ADCY9: variants seen among roughly 807,000 people sequenced by gnomAD.
ADCY9 encodes adenylate cyclase 9, also known as adenylate cyclase type 9.
ADCY9 carries 50 observed loss-of-function variants against 101.5 expected under a neutral mutation model. The ratio of observed to expected loss-of-function variants is 0.49; its 90% CI spans 0.39 to 0.62. The LOEUF (loss-of-function observed/expected upper bound fraction) is 0.62, where lower values mean the gene tolerates loss of function less well. ADCY9 is among the 20% of genes least tolerant of loss of function. The pLI, the probability that ADCY9 is intolerant of heterozygous loss-of-function variation, is 0.00. For synonymous variants in ADCY9, 905 were observed against 769.3 expected (o/e 1.18, Z -2.92); for missense variants, 1,662 against 1,800.4 (o/e 0.92, Z 1.39).
chr16:4,064,586 C>G lies in ADCY9; in HGVS notation c.1693+49164G>C, dbSNP rs575352612. On this transcript the variant is annotated intron_variant, in intron 2 of 10. Transcript: ENST00000294016. ...TTCCTGGGCTCAAGCAATCCTCCCA[C>G]CTCAGTCTCCCCATTAGCTGGGACT... Among the ~76,000 whole-genome samples, 8 of 152,168 alleles carry G rather than the reference C, an allele frequency of 5.3e-5. 1 individual carries two copies. Among genetic ancestry groups the G allele is most frequent in the Non-Finnish European group, 8.8e-5 (6 of 68,024 alleles).
At chr16:4,030,116 G>T (rs904228390) in intron 2 of ADCY9, among the ~76,000 whole-genome samples, 1 of 152,156 alleles carries the variant, frequency 6.6e-6, no homozygotes, top group African/African-American at 2.4e-5. Context: ...GATGGAAGTT[G>T]AAGACACTCA....
In ADCY9 at chr16:4,097,553, A is replaced by ATATATTTTTTT. The variant is rs1382458827; in HGVS notation, c.1693+16196_1693+16197insAAAAAAATATA. ...CATATATATATATATATATATATAT[A>ATATATTTTTTT]TTTTTTTTTTTTTTTTTTAAGACAG... On this transcript the variant is annotated intron_variant, in intron 2 of 10. Coordinates refer to ENST00000294016, the MANE Select transcript of ADCY9 (RefSeq NM_001116.4). 2.8e-3 allele frequency among the ~76,000 whole-genome samples: 150 copies of ATATATTTTTTT among 53,388 alleles called. 1 individual carries two copies. The highest frequency in any genetic ancestry group is 3.8e-3 in the Non-Finnish European group (124 of 32,810). 35.0% of individuals were successfully genotyped at this position (53,388 alleles called of 152,430 possible).
intron 2 of ADCY9, among the ~76,000 whole-genome samples, chr16:4,022,622 C>T (rs1369281877): frequency 6.6e-6 from 1 of 150,532 alleles, no homozygotes; most frequent in African/African-American, 2.4e-5. Context: ...ATACCTGCAG[C>T]AATTTTTTTT....
intron 2 of ADCY9, among the ~76,000 whole-genome samples, chr16:4,028,384 C>T (rs571324244): frequency 6.6e-6 from 1 of 152,212 alleles, no homozygotes; most frequent in South Asian, 2.1e-4. Context: ...GATGGACACA[C>T]TGTGATATAT....
intron 2 of ADCY9, among the ~76,000 whole-genome samples, chr16:4,095,976 CAAAAAAAA>C (rs56897380): frequency 8.7e-6 from 1 of 115,486 alleles, no homozygotes; most frequent in Non-Finnish European, 1.7e-5. Context: ...GACTCTATCT[CAAAAAAAA>C]AAAAAAAAAA....
At chr16:4,028,705 T>G (rs1597176314) in intron 2 of ADCY9, among the ~76,000 whole-genome samples, 1 of 152,214 alleles carries the variant, frequency 6.6e-6, no homozygotes, top group Non-Finnish European at 1.5e-5. Context: ...TTTTCACAGC[T>G]GAGCTTCATA....
intron 3 of ADCY9, among the ~76,000 whole-genome samples, chr16:3,997,931 TA>T (rs1477909373): frequency 6.6e-6 from 1 of 151,982 alleles, no homozygotes; most frequent in African/African-American, 2.4e-5. Flanking sequence ...CTGTCTCTAT[TA>T]AAAATACAAA....
chr16:4,028,630 T>C (rs2056533605), intron 2 of ADCY9, among the ~76,000 whole-genome samples: 1 of 152,192 alleles, frequency 6.6e-6, no homozygotes, highest in African/African-American at 2.4e-5. Context: ...ATGGACCTCA[T>C]GGGATGATGG....
At chr16:4,044,873 T>C (rs1403344122) in intron 2 of ADCY9, among the ~76,000 whole-genome samples, 3 of 152,060 alleles carry the variant, frequency 2.0e-5, no homozygotes, top group African/African-American at 4.8e-5. Flanking sequence ...AGAAAATAAA[T>C]CTTTCCCCAG....
intron 2 of ADCY9, among the ~76,000 whole-genome samples, chr16:4,057,244 A>C (rs115914977): frequency 0.046 from 7,059 of 152,172 alleles, 520 homozygotes; most frequent in African/African-American, 0.16. Context: ...GGCCTCAAGC[A>C]ATACTCCTGC....
intron 2 of ADCY9, among the ~76,000 whole-genome samples, chr16:4,084,210 C>G (rs911057879): frequency 6.6e-6 from 1 of 152,106 alleles, no homozygotes; most frequent in Non-Finnish European, 1.5e-5. Flanking sequence ...CTCCTGGGTT[C>G]AAGTGATTCT....
At chr16:4,034,208 C>G (rs2056574808) in intron 2 of ADCY9, among the ~76,000 whole-genome samples, 1 of 152,138 alleles carries the variant, frequency 6.6e-6, no homozygotes. Flanking sequence ...ACATACAGAG[C>G]TCCAACTTAG....
At chr16:4,054,422 G>A (rs868578397) in intron 2 of ADCY9, among the ~76,000 whole-genome samples, 35 of 152,068 alleles carry the variant, frequency 2.3e-4, no homozygotes, top group African/African-American at 8.0e-4. Context: ...ACTTCGCAGG[G>A]CTCGGTTCTG....
chr16:4,015,742 A>G (rs1967307), intron 2 of ADCY9: 143,780 of 152,168 alleles, frequency 0.94, 68,412 homozygotes, highest in East Asian at 1. Flanking sequence ...CGAGGTGGGC[A>G]GATCACTTGA....
At position 3,979,246 on chromosome 16, in the gene ADCY9, G is replaced by C; in HGVS notation, c.2549C>G (p.Ala850Gly). 1 of 1,613,938 alleles carries C rather than the reference G, an allele frequency of 6.2e-7. No homozygotes were observed. The highest frequency in any genetic ancestry group is 8.5e-7 in the Non-Finnish European group (1 of 1,179,972). Reference sequence around the variant, plus strand: ...CCACTCCAGCAGGCGCTTGGTGCAGGCCATGACGTCCTCCAGGAAGAACAC... The same window carrying C: ...CCACTCCAGCAGGCGCTTGGTGCAGCCCATGACGTCCTCCAGGAAGAACAC... ...RMVFFLEDVMACTKRLLEWIA... is the reference protein window; with the variant it reads ...RMVFFLEDVMGCTKRLLEWIA... The change falls in exon 8 of 11, where the codon GCC becomes GGC. Residue 850 changes from alanine to glycine, a missense_variant. This residue lies in a region of ADCY9 where 624 missense variants were observed against 639.1 expected (regional missense o/e 0.98). Coordinates refer to ENST00000294016, the MANE Select transcript of ADCY9 (RefSeq NM_001116.4).
At chr16:4,080,200 C>T (rs2056892840) in intron 2 of ADCY9, among the ~76,000 whole-genome samples, 1 of 152,120 alleles carries the variant, frequency 6.6e-6, no homozygotes, top group African/African-American at 2.4e-5. Context: ...AAAAAATTAC[C>T]ACCTGTACCT....
At chr16:3,983,526 G>A in intron 6 of ADCY9, 86 bp from the exon 7 acceptor site, 2 of 1,126,868 alleles carry the variant, frequency 1.8e-6, no homozygotes, top group Non-Finnish European at 2.6e-6. Flanking sequence ...GGCAACACGT[G>A]CGGAGCACTG....
chr16:4,035,561 T>C (rs190005625), intron 2 of ADCY9, among the ~76,000 whole-genome samples: 1 of 152,250 alleles, frequency 6.6e-6, no homozygotes, highest in Non-Finnish European at 1.5e-5. Context: ...CCTATATGCA[T>C]GGGAAGCCAA....
intron 2 of ADCY9, among the ~76,000 whole-genome samples, chr16:4,057,044 C>T (rs1419963304): frequency 2.8e-5 from 4 of 141,226 alleles, no homozygotes; most frequent in East Asian, 2.6e-4. Flanking sequence ...AACCGCCCCC[C>T]CCCCCCCCGC....
Sources: allele counts gnomAD v4.1 joint callset (sites outside exome capture counted in the v4.1 genomes callset), GRCh38; gene constraint gnomAD v4.1.1; regional missense constraint gnomAD v4.1.1; transcripts MANE v1.5; gene names NCBI Gene and HGNC (gene_info 2026-07-23, HGNC 2026-07-21).